TCF7L1: variants seen among roughly 807,000 people sequenced by gnomAD.
TCF7L1 encodes transcription factor 7-like 1.
In TCF7L1, 18 loss-of-function variants were observed where a neutral mutation model predicts 63.7. That is an observed-to-expected ratio of 0.28 (90% CI 0.20 to 0.42). The LOEUF is 0.42. Ranked by LOEUF, TCF7L1 falls within the 10% of genes least tolerant of loss-of-function variation. The pLI, the probability that TCF7L1 is intolerant of heterozygous loss-of-function variation, is 1.00. For synonymous variants in TCF7L1, 355 were observed against 340.9 expected, an observed-to-expected ratio of 1.04 and a Z score of -0.46; for missense variants, 654 against 779.3, an observed-to-expected ratio of 0.84 and a Z score of 1.91.
rs932125616 is a variant in TCF7L1, at chr2:85,211,855, C to T, written c.442-71640C>T. Among the ~76,000 whole-genome samples, 5 of 152,026 alleles carry T rather than the reference C, an allele frequency of 3.3e-5. No homozygotes were observed. In the East Asian group the frequency reaches 7.7e-4, roughly 23 times the overall value. The stretch of plus-strand genomic sequence containing the variant: ...CTGTAATCCCAGCACTCTGGGAGGC[C>T]GAGGCGGGTGGGTCACCTGAGGTCA... On this transcript the variant is annotated intron_variant, in intron 3 of 11. Coordinates refer to ENST00000282111, the MANE Select transcript of TCF7L1 (RefSeq NM_031283.3).
intron 3 of TCF7L1, among the ~76,000 whole-genome samples, chr2:85,231,463 C>G (rs1284032474): frequency 6.6e-6 from 1 of 152,212 alleles, no homozygotes; most frequent in African/African-American, 2.4e-5. Flanking sequence ...TGAATTCCTC[C>G]TCGTCCACGT....
intron 3 of TCF7L1, chr2:85,232,941 A>C (rs1363688193): frequency 6.6e-6 from 1 of 151,950 alleles, no homozygotes; most frequent in African/African-American, 2.4e-5. Context: ...TTATTCATTT[A>C]TTTATTTTTT....
chr2:85,284,826 G>A (rs1248744951), intron 4 of TCF7L1, among the ~76,000 whole-genome samples: 2 of 152,202 alleles, frequency 1.3e-5, no homozygotes, highest in African/African-American at 4.8e-5. Context: ...ATGTATCAAA[G>A]TAGAGAGAAT....
intron 3 of TCF7L1, among the ~76,000 whole-genome samples, chr2:85,260,211 A>C (rs1379630629): frequency 6.6e-6 from 1 of 152,236 alleles, no homozygotes; most frequent in Non-Finnish European, 1.5e-5. Context: ...ATAGCTGTCA[A>C]GTGCTTACAG....
rs1185484713 is a variant in TCF7L1 at position 85,306,831 on chromosome 2, A to AT, written c.1257+278dup. Among the ~76,000 whole-genome samples the AT allele has an allele frequency of 2.0e-5, 3 of 151,778 alleles. No individual in the cohort carries two copies. Among genetic ancestry groups the AT allele is most frequent in the Non-Finnish European group, 1.5e-5 (1 of 67,956 alleles). Reference sequence around the variant, plus strand: ...AGGCACCTGCCACCACACCCGGCTAATTTTTTGTATTTTTAGTAGAGACGG... The same window carrying AT: ...AGGCACCTGCCACCACACCCGGCTAATTTTTTTGTATTTTTAGTAGAGACGG... On this transcript the variant is annotated intron_variant, in intron 10 of 11. Coordinates refer to ENST00000282111, the MANE Select transcript of TCF7L1 (RefSeq NM_031283.3). This position sits in a 1 kb window ranked among gnomAD's most constrained non-coding sequence, Gnocchi z 4.3.
intron 3 of TCF7L1, among the ~76,000 whole-genome samples, chr2:85,155,446 G>C (rs1337252414): frequency 6.6e-6 from 1 of 152,136 alleles, no homozygotes; most frequent in Non-Finnish European, 1.5e-5. Context: ...AACGCTCACT[G>C]TGAAGGTCCA....
chr2:85,194,863 G>A (rs911225550), intron 3 of TCF7L1, among the ~76,000 whole-genome samples: 1 of 152,186 alleles, frequency 6.6e-6, no homozygotes, highest in Admixed American at 6.5e-5. Flanking sequence ...AGGCACACTG[G>A]TTCAAGTTTA....
At chr2:85,219,101 C>A (rs1679780811) in intron 3 of TCF7L1, among the ~76,000 whole-genome samples, 1 of 152,326 alleles carries the variant, frequency 6.6e-6, no homozygotes, top group Admixed American at 6.5e-5. Context: ...TGCAGTGAGC[C>A]ACGCTTGTGC....
intron 3 of TCF7L1, among the ~76,000 whole-genome samples, chr2:85,194,377 A>G (rs1336229231): frequency 2.0e-5 from 3 of 152,148 alleles, no homozygotes; most frequent in African/African-American, 7.2e-5. Flanking sequence ...AAAAATACAA[A>G]AATTAGCCGG....
chr2:85,241,431 GTTTTTGTTTTTTTTTT>G (rs1680323929), intron 3 of TCF7L1, among the ~76,000 whole-genome samples: 2 of 68,782 alleles, frequency 2.9e-5, no homozygotes, highest in African/African-American at 5.2e-5. Flanking sequence ...GATGCACTTT[GTTTTTGTTTTTTTTTT>G]TTTTTTTTTT....
intron 3 of TCF7L1, among the ~76,000 whole-genome samples, chr2:85,244,759 T>C (rs556198016): frequency 6.6e-6 from 1 of 152,108 alleles, no homozygotes; most frequent in Non-Finnish European, 1.5e-5. Context: ...ATGTTGATGG[T>C]ACTTCAAGCC....
intron 4 of TCF7L1, among the ~76,000 whole-genome samples, chr2:85,286,626 G>T (rs890518625): frequency 3.3e-5 from 5 of 152,114 alleles, no homozygotes; most frequent in Non-Finnish European, 7.4e-5. Context: ...CTTCCAAGTA[G>T]CTGGGATTAC....
At chr2:85,214,372 T>C (rs1490902794) in intron 3 of TCF7L1, among the ~76,000 whole-genome samples, 2 of 152,162 alleles carry the variant, frequency 1.3e-5, no homozygotes, top group South Asian at 2.1e-4. Flanking sequence ...GAGTTAGGGA[T>C]GTTGTGGAAT....
intron 3 of TCF7L1, among the ~76,000 whole-genome samples, chr2:85,251,616 G>A (rs1680589842): frequency 6.6e-6 from 1 of 152,176 alleles, no homozygotes; most frequent in Admixed American, 6.5e-5. Flanking sequence ...AGCTGAAGGA[G>A]AGAGACCAGA....
In TCF7L1 at chr2:85,240,312, G is replaced by T. The variant is rs140849751; in HGVS notation, c.442-43183G>T. ...GGCTGTTGTGAACACAGAGGAAGCC[G>T]GGGGACTGCTGTGGAGATGAAGGAT... On this transcript the variant is annotated intron_variant, in intron 3 of 11. Coordinates refer to ENST00000282111, the MANE Select transcript of TCF7L1 (RefSeq NM_031283.3). Among the ~76,000 whole-genome samples, 50 of 152,348 alleles carry T rather than the reference G, an allele frequency of 3.3e-4. No individual in the cohort carries two copies. The Middle Eastern group carries it at 0.017, about 52-fold the overall frequency.
intron 3 of TCF7L1, among the ~76,000 whole-genome samples, chr2:85,207,832 G>A (rs141913818): frequency 1.3e-5 from 2 of 152,252 alleles, no homozygotes; most frequent in African/African-American, 4.8e-5. Flanking sequence ...CCCAACTGTA[G>A]GCTAATGTAA....
At chr2:85,285,945 A>C (rs150197800) in intron 4 of TCF7L1, among the ~76,000 whole-genome samples, 1,653 of 151,664 alleles carry the variant, frequency 0.011, 29 homozygotes, top group African/African-American at 0.038. Context: ...TAATCCCAGC[A>C]CTTTGGGAAG....
In TCF7L1 at chr2:85,268,976, T is replaced by C. The variant is rs143095961; in HGVS notation, c.442-14519T>C. 9.0e-3 allele frequency among the ~76,000 whole-genome samples: 1,367 copies of C among 151,952 alleles called. 17 individuals carry two copies. Among genetic ancestry groups the C allele is most frequent in the African/African-American group, 0.032 (1,306 of 41,412 alleles). On this transcript the variant is annotated intron_variant, in intron 3 of 11. Coordinates refer to ENST00000282111, the MANE Select transcript of TCF7L1 (RefSeq NM_031283.3). ...TGAAAAAACACAGGACTTGATGGGC[T>C]AGATGACAAAGTGAGGAAGAAGGTG...
chr2:85,304,751 C>T (rs772737896), intron 7 of TCF7L1, among the ~76,000 whole-genome samples: 3 of 152,188 alleles, frequency 2.0e-5, no homozygotes, highest in Admixed American at 6.5e-5. Flanking sequence ...AAGGAGAGTA[C>T]TGAATTAATA....
Sources: allele counts gnomAD v4.1 joint callset (sites outside exome capture counted in the v4.1 genomes callset), GRCh38; gene constraint gnomAD v4.1.1; non-coding constraint Gnocchi (gnomAD v3.1); transcripts MANE v1.5; gene names NCBI Gene and HGNC (gene_info 2026-07-23, HGNC 2026-07-21).